PPM1E: variants seen among roughly 807,000 people sequenced by gnomAD.
The protein encoded by PPM1E is protein phosphatase 1E.
PPM1E carries 20 observed loss-of-function variants against 65.9 expected under a neutral mutation model. The ratio of observed to expected loss-of-function variants is 0.30; its 90% CI spans 0.21 to 0.44. The LOEUF (loss-of-function observed/expected upper bound fraction) is 0.44, where lower values mean the gene tolerates loss of function less well. Among genes scored for constraint, PPM1E ranks in the 20% least tolerant of loss-of-function variants. The pLI is 1.00. For missense variants in PPM1E, 713 were observed against 953.1 expected, an observed-to-expected ratio of 0.75 and a Z score of 3.32; for synonymous variants, 352 against 374.9, an observed-to-expected ratio of 0.94 and a Z score of 0.70.
At chr17:58,917,784 T>G (rs2051701988) in intron 1 of PPM1E, among the ~76,000 whole-genome samples, 1 of 151,950 alleles carries the variant, frequency 6.6e-6, no homozygotes, top group Non-Finnish European at 1.5e-5. Flanking sequence ...ACTCATTTTG[T>G]TTTTTTTAGT....
At chr17:58,895,053 C>G (rs2051395749) in intron 1 of PPM1E, among the ~76,000 whole-genome samples, 1 of 152,152 alleles carries the variant, frequency 6.6e-6, no homozygotes, top group Non-Finnish European at 1.5e-5. Context: ...TTTGGTAATT[C>G]TTGCAATATC....
intron 1 of PPM1E, among the ~76,000 whole-genome samples, chr17:58,952,499 G>A (rs1335338555): frequency 2.0e-5 from 3 of 152,156 alleles, no homozygotes; most frequent in Non-Finnish European, 4.4e-5. Flanking sequence ...GAATGGGCCT[G>A]TGAGGCTGTT....
intron 1 of PPM1E, among the ~76,000 whole-genome samples, chr17:58,851,722 T>C (rs901907016): frequency 2.6e-5 from 4 of 152,196 alleles, no homozygotes; most frequent in South Asian, 2.1e-4. Flanking sequence ...AGGCTACTCC[T>C]GGGTCAGGGA....
chr17:58,865,315 A>AG (rs1339520367), intron 1 of PPM1E, among the ~76,000 whole-genome samples: 2 of 152,198 alleles, frequency 1.3e-5, no homozygotes, highest in African/African-American at 4.8e-5. Flanking sequence ...TGAACCAGGG[A>AG]GGCGGAGGTT....
Position 58,982,253 on chromosome 17 carries a change from T to C in PPM1E, c.*1222T>C, listed in dbSNP as rs1242349343. On this transcript the variant is annotated 3_prime_UTR_variant, in exon 7 of 7. Transcript: ENST00000308249. ...CAATATTTAGTTATATTTGATATTT[T>C]GAAACTGTCTGCTTTTTGCTATTTC... is the stretch of plus-strand genomic sequence containing the variant. 8.5e-5 allele frequency: 13 copies of C among 152,558 alleles called. No individual in the cohort carries two copies. Among genetic ancestry groups the C allele is most frequent in the Admixed American group, 8.5e-4 (13 of 15,284 alleles). 9.5% of individuals were successfully genotyped at this position (152,558 alleles called of 1,614,324 possible). A position where few individuals can be genotyped will look rare whatever the true frequency, so the allele number is the denominator to read the frequency against.
intron 1 of PPM1E, among the ~76,000 whole-genome samples, chr17:58,843,936 C>G (rs2050746406): frequency 6.6e-6 from 1 of 152,116 alleles, no homozygotes; most frequent in African/African-American, 2.4e-5. Context: ...ACAATGTAAA[C>G]AAATATCTGA....
At chr17:58,807,528 A>G (rs1177321863) in intron 1 of PPM1E, among the ~76,000 whole-genome samples, 3 of 152,198 alleles carry the variant, frequency 2.0e-5, no homozygotes, top group Non-Finnish European at 4.4e-5. Flanking sequence ...CAACTCTGTG[A>G]CTATACTAAA....
At chr17:58,795,155 G>T (rs1392420610) in intron 1 of PPM1E, among the ~76,000 whole-genome samples, 1 of 152,084 alleles carries the variant, frequency 6.6e-6, no homozygotes, top group Non-Finnish European at 1.5e-5. Flanking sequence ...GCCTCCCAAA[G>T]TGCTGAGATT....
intron 1 of PPM1E, among the ~76,000 whole-genome samples, chr17:58,877,037 C>T (rs1214290758): frequency 6.6e-6 from 1 of 152,232 alleles, no homozygotes; most frequent in Non-Finnish European, 1.5e-5. Flanking sequence ...CCCGCCTCGG[C>T]CTCCCAAAGT....
At chr17:58,939,451 C>T (rs1334684117) in intron 1 of PPM1E, among the ~76,000 whole-genome samples, 5 of 152,034 alleles carry the variant, frequency 3.3e-5, no homozygotes, top group African/African-American at 1.2e-4. Flanking sequence ...CAAGCAAGAC[C>T]CCATGCTTTG....
At chr17:58,876,057 A>G (rs755586719) in intron 1 of PPM1E, among the ~76,000 whole-genome samples, 2 of 152,258 alleles carry the variant, frequency 1.3e-5, no homozygotes, top group African/African-American at 2.4e-5. Context: ...GATGAGTACT[A>G]TGGTTTGTGA....
intron 1 of PPM1E, among the ~76,000 whole-genome samples, chr17:58,803,332 G>A (rs2050276174): frequency 6.6e-6 from 1 of 152,090 alleles, no homozygotes; most frequent in African/African-American, 2.4e-5. Context: ...CTCTTGAGGT[G>A]ATCATATGAT....
chr17:58,879,284 A>C (rs189685905), intron 1 of PPM1E, among the ~76,000 whole-genome samples: 1 of 149,436 alleles, frequency 6.7e-6, no homozygotes, highest in Admixed American at 6.7e-5. Flanking sequence ...ACTATATATA[A>C]TATTTATAAT....
chr17:58,778,754 C>T (rs188308297), intron 1 of PPM1E, among the ~76,000 whole-genome samples: 158 of 151,604 alleles, frequency 1.0e-3, no homozygotes, highest in Non-Finnish European at 2.4e-4. Flanking sequence ...TTTTACATAG[C>T]GTTTTGTTCT....
rs753603152 is a variant in PPM1E at position 58,985,094 on chromosome 17, A to C, written c.*4063A>C. On this transcript the variant is annotated 3_prime_UTR_variant, in exon 7 of 7. Coordinates refer to ENST00000308249, the MANE Select transcript of PPM1E (RefSeq NM_014906.5). ...CAGTTGTAGTCATGAGTGATCCTTC[A>C]TATTTTATTAAAAGTGTTCATTCAG... 6.6e-6 allele frequency: 1 copy of C among 152,662 alleles called. No individual in the cohort carries two copies. The highest frequency in any genetic ancestry group is 2.4e-5 in the African/African-American group (1 of 41,468). The allele number at this position is 152,662 out of a possible 1,614,324, so 9.5% of individuals were successfully genotyped here.
At chr17:58,856,710 G>GGC (rs2050886198) in intron 1 of PPM1E, among the ~76,000 whole-genome samples, 1 of 152,182 alleles carries the variant, frequency 6.6e-6, no homozygotes, top group South Asian at 2.1e-4. Context: ...AAAAGACCAT[G>GGC]TGAAGACAGA....
intron 1 of PPM1E, among the ~76,000 whole-genome samples, chr17:58,811,905 G>A (rs1206511652): frequency 6.6e-6 from 1 of 152,002 alleles, no homozygotes; most frequent in Non-Finnish European, 1.5e-5. Flanking sequence ...TCTTGACCTC[G>A]TGATCCATCC....
chr17:58,779,373 A>G (rs1335901781), intron 1 of PPM1E, among the ~76,000 whole-genome samples: 1 of 151,902 alleles, frequency 6.6e-6, no homozygotes, highest in East Asian at 1.9e-4. Context: ...GGGTTTCACC[A>G]TGTTTGCCAG....
At chr17:58,846,676 G>T (rs187995904) in intron 1 of PPM1E, among the ~76,000 whole-genome samples, 34 of 152,216 alleles carry the variant, frequency 2.2e-4, no homozygotes, top group Non-Finnish European at 3.8e-4. Context: ...ACCATTGATG[G>T]GCATTTGGGT....
Sources: allele counts gnomAD v4.1 joint callset (sites outside exome capture counted in the v4.1 genomes callset), GRCh38; gene constraint gnomAD v4.1.1; transcripts MANE v1.5; gene names NCBI Gene and HGNC (gene_info 2026-07-23, HGNC 2026-07-21).